TENM1: variants seen among roughly 807,000 people sequenced by gnomAD.
The protein encoded by TENM1 is teneurin transmembrane protein 1.
A neutral mutation model predicts 174.8 loss-of-function variants in TENM1; 35 were observed. The observed-to-expected ratio is 0.20, with a 90% confidence interval of 0.15 to 0.27. TENM1 has a LOEUF of 0.27. Among genes scored for constraint, TENM1 ranks in the 10% least tolerant of loss-of-function variants. TENM1 has a pLI of 1.00. For missense variants in TENM1, 1,633 were observed against 2,130.1 expected, an observed-to-expected ratio of 0.77 and a Z score of 4.59; for synonymous variants, 781 against 798.7, an observed-to-expected ratio of 0.98 and a Z score of 0.37.
chrX:124,633,953 G>A (rs1019446539), intron 11 of TENM1, among the ~76,000 whole-genome samples: 3 of 111,975 alleles, frequency 2.7e-5, no homozygotes, highest in South Asian at 7.3e-4. Context: ...TAATCTCACT[G>A]TAATGTTAAT....
At chrX:124,397,637 G>A (rs2060350878) in intron 27 of TENM1, among the ~76,000 whole-genome samples, 1 of 110,407 alleles carries the variant, frequency 9.1e-6, no homozygotes, top group South Asian at 4.0e-4. Context: ...TCGCTCTGTC[G>A]CCCAGGCTGG....
intron 3 of TENM1, among the ~76,000 whole-genome samples, chrX:124,855,764 G>A (rs768399707): frequency 1.8e-5 from 2 of 111,275 alleles, no homozygotes; most frequent in South Asian, 7.6e-4. Context: ...TGTACATCTT[G>A]GATTCTTCTG....
At chrX:125,010,418 G>A in the TENM1 span, among the ~76,000 whole-genome samples, 3 of 110,342 alleles carry the variant, frequency 2.7e-5, no homozygotes, top group African/African-American at 9.9e-5. Flanking sequence ...CTCAGGGATA[G>A]GAAGAATCAA....
At chrX:124,580,683 T>C (rs989047340) in intron 11 of TENM1, among the ~76,000 whole-genome samples, 2 of 111,266 alleles carry the variant, frequency 1.8e-5, no homozygotes, top group African/African-American at 6.5e-5. Context: ...AATATAATTG[T>C]ACTGTATTAA....
Position 124,420,748 on chromosome X carries a change from G to A in TENM1, c.4545C>T (p.Leu1515=), listed in dbSNP as rs2060642648. Residue 1515 remains leucine (L), a synonymous_variant, in exon 25 of 32, where the codon CTC becomes CTT. Transcript: ENST00000422452. ...GAACATTTCCGAGGTCTGCCACATA[G>A]AGGGTTCCATCAGGCGACACTGCTA... 1.2e-5 allele frequency: 14 copies of A among 1,209,594 alleles called. No homozygotes were observed. The highest frequency in any genetic ancestry group is 1.5e-5 in the Non-Finnish European group (13 of 894,925).
intron 11 of TENM1, among the ~76,000 whole-genome samples, chrX:124,581,716 T>C (rs1288126034): frequency 9.0e-6 from 1 of 111,619 alleles, no homozygotes; most frequent in African/African-American, 3.3e-5. Flanking sequence ...TTTTTTTAAC[T>C]TTTTCATAGC....
At chrX:124,663,572 C>T (rs2051665123) in intron 6 of TENM1, among the ~76,000 whole-genome samples, 1 of 111,647 alleles carries the variant, frequency 9.0e-6, no homozygotes, top group South Asian at 3.7e-4. Context: ...CTCCACAAAA[C>T]TAAAATGTTG....
chrX:124,999,001 C>T, the TENM1 span, among the ~76,000 whole-genome samples: 2 of 111,067 alleles, frequency 1.8e-5, no homozygotes, highest in Admixed American at 9.6e-5. Context: ...TTGGAATTAA[C>T]TAGGTCAAAT....
chrX:124,692,479 G>A (rs1428851663), intron 5 of TENM1, among the ~76,000 whole-genome samples: 5 of 109,640 alleles, frequency 4.6e-5, no homozygotes, highest in Non-Finnish European at 9.5e-5. Context: ...CATTAAAAAG[G>A]ATCTATCTTA....
At chrX:125,177,763 G>C in the TENM1 span, among the ~76,000 whole-genome samples, 12 of 111,464 alleles carry the variant, frequency 1.1e-4, no homozygotes, top group African/African-American at 3.9e-4. Context: ...GAAACTACAA[G>C]AGCCATTTCT....
intron 22 of TENM1, among the ~76,000 whole-genome samples, chrX:124,472,183 G>A (rs2061340840): frequency 9.3e-6 from 1 of 107,889 alleles, no homozygotes; most frequent in South Asian, 4.0e-4. Context: ...TTTCTATCTA[G>A]GAGAGATAGA....
the TENM1 span, among the ~76,000 whole-genome samples, chrX:125,013,587 A>C: frequency 3.6e-5 from 4 of 111,820 alleles, no homozygotes; most frequent in African/African-American, 1.3e-4. Flanking sequence ...TCTGCCAAAA[A>C]ATTACCTATG....
At chrX:125,049,697 CT>C in the TENM1 span, among the ~76,000 whole-genome samples, 1 of 111,463 alleles carries the variant, frequency 9.0e-6, no homozygotes, top group Non-Finnish European at 1.9e-5. Flanking sequence ...TTGGTATTGT[CT>C]TTATTTTTTA....
chrX:124,421,651 A>G (rs1231604022), intron 24 of TENM1, among the ~76,000 whole-genome samples: 1 of 109,080 alleles, frequency 9.2e-6, no homozygotes. Flanking sequence ...TTAGAAGAAA[A>G]CTTCACTATG....
intron 3 of TENM1, among the ~76,000 whole-genome samples, chrX:124,743,158 A>G (rs2053840313): frequency 9.0e-6 from 1 of 111,493 alleles, no homozygotes; most frequent in African/African-American, 3.3e-5. Context: ...ATTAGACTTA[A>G]ATGTATCTGG....
chrX:125,021,095 GA>G, the TENM1 span, among the ~76,000 whole-genome samples: 3 of 106,451 alleles, frequency 2.8e-5, no homozygotes, highest in African/African-American at 1.0e-4. Context: ...AAATTTTAAA[GA>G]AATTAGGTTT....
At chrX:124,753,228 G>A (rs1218334822) in intron 3 of TENM1, among the ~76,000 whole-genome samples, 1 of 110,591 alleles carries the variant, frequency 9.0e-6, no homozygotes, top group Non-Finnish European at 1.9e-5. Context: ...GGATTCCTAG[G>A]TATTTTATTC....
At chrX:124,459,540 T>C (rs942658678) in intron 22 of TENM1, among the ~76,000 whole-genome samples, 1 of 111,427 alleles carries the variant, frequency 9.0e-6, no homozygotes, top group African/African-American at 3.3e-5. Context: ...GCTAGCCATA[T>C]GCAGAAGACT....
intron 5 of TENM1, among the ~76,000 whole-genome samples, chrX:124,703,221 A>T (rs1327945596): frequency 9.0e-6 from 1 of 111,582 alleles, no homozygotes; most frequent in Admixed American, 9.5e-5. Context: ...AACACACCTA[A>T]TAAGTGGCAG....
Sources: allele counts gnomAD v4.1 joint callset (sites outside exome capture counted in the v4.1 genomes callset), GRCh38; gene constraint gnomAD v4.1.1; transcripts MANE v1.5; gene names NCBI Gene and HGNC (gene_info 2026-07-23, HGNC 2026-07-21).